The following BEND4 variants were observed in gnomAD, a reference collection of about 807,000 sequenced individuals.
The protein encoded by BEND4 is BEN domain-containing protein 4.
A neutral mutation model predicts 54.7 loss-of-function variants in BEND4; 27 were observed. The observed-to-expected ratio is 0.49, with a 90% CI of 0.36 to 0.68. The LOEUF is 0.68. Among genes scored for constraint, BEND4 ranks in the 30% least tolerant of loss-of-function variants. The pLI, the probability that BEND4 is intolerant of heterozygous loss-of-function variation, is 0.00. For missense variants in BEND4, 702 were observed against 697.2 expected, an observed-to-expected ratio of 1.01 and a Z score of -0.08; for synonymous variants, 327 against 299.5, an observed-to-expected ratio of 1.09 and a Z score of -0.95.
chr4:42,140,411 A>G (rs1341194540), intron 3 of BEND4, among the ~76,000 whole-genome samples: 2 of 152,170 alleles, frequency 1.3e-5, no homozygotes, highest in Admixed American at 1.3e-4. Context: ...TCTTAACATA[A>G]TCATGGTTAT....
At chr4:42,122,903 G>A (rs945727152) in intron 4 of BEND4, among the ~76,000 whole-genome samples, 4 of 152,190 alleles carry the variant, frequency 2.6e-5, no homozygotes, top group Non-Finnish European at 5.9e-5. Context: ...AGTTCACCCT[G>A]TAAGCGATGC....
intron 3 of BEND4, among the ~76,000 whole-genome samples, chr4:42,128,709 G>A (rs762445279): frequency 2.0e-5 from 3 of 151,890 alleles, no homozygotes; most frequent in African/African-American, 4.8e-5. Context: ...GGCCGGGTGC[G>A]GTGGCTCATG....
chr4:42,146,428 T>G (rs1302297154), intron 2 of BEND4, among the ~76,000 whole-genome samples: 2 of 152,238 alleles, frequency 1.3e-5, no homozygotes, highest in African/African-American at 4.8e-5. Flanking sequence ...ATTTATACTT[T>G]GTAATTATCT....
chr4:42,131,291 A>G (rs952588956), intron 3 of BEND4, among the ~76,000 whole-genome samples: 4 of 152,220 alleles, frequency 2.6e-5, no homozygotes, highest in African/African-American at 9.7e-5. Flanking sequence ...AAAACTGTTC[A>G]CCATGACCTT....
At position 42,113,984 on chromosome 4, in the gene BEND4, G is replaced by A. The variant is rs1719690829; in HGVS notation, c.*3534C>T. 1 of 152,174 alleles carries A rather than the reference G, an allele frequency of 6.6e-6. No individual in the cohort carries two copies. The highest frequency in any genetic ancestry group is 1.5e-5 in the Non-Finnish European group (1 of 68,034). 9.4% of individuals were successfully genotyped at this position (152,174 alleles called of 1,614,324 possible). A position where few individuals can be genotyped will look rare whatever the true frequency, so the allele number is the denominator to read the frequency against. On this transcript the variant is annotated 3_prime_UTR_variant, in exon 6 of 6. Coordinates refer to ENST00000502486, the MANE Select transcript of BEND4 (RefSeq NM_207406.4). ...AAAAAAGTGATGCGCGGGTTCAAGGGCTAGAGGAAATATTTACAAGTAAAT... is the reference window on the plus strand; with the variant it reads ...AAAAAAGTGATGCGCGGGTTCAAGGACTAGAGGAAATATTTACAAGTAAAT...
chr4:42,152,024 G>A lies in BEND4; in HGVS notation c.120C>T (p.Arg40=), dbSNP rs1336973503. 8 of 1,252,664 alleles carry A rather than the reference G, an allele frequency of 6.4e-6. No individual in the cohort carries two copies. The highest frequency in any genetic ancestry group is 7.1e-6 in the Non-Finnish European group (7 of 992,278). 77.6% of individuals were successfully genotyped at this position (1,252,664 alleles called of 1,614,324 possible). A position where few individuals can be genotyped will look rare whatever the true frequency, so the allele number is the denominator to read the frequency against. The change falls in exon 2 of 6, where the codon CGC becomes CGT. Residue 40 remains arginine, a synonymous_variant. Transcript: ENST00000502486. ...FPSKRPALAK[R]YERPTLVELP... is the part of the protein sequence containing the mutation. ...GCTCCACCAGGGTGGGTCGCTCGTA[G>A]CGCTTGGCCAGCGCCGGTCTCTTGC...
chr4:42,128,938 A>C (rs936765055), intron 3 of BEND4, among the ~76,000 whole-genome samples: 2 of 151,322 alleles, frequency 1.3e-5, no homozygotes, highest in Non-Finnish European at 3.0e-5. Flanking sequence ...TCCATCTCCC[A>C]AAAAAAAAGA....
At chr4:42,142,282 T>C (rs988926235) in intron 3 of BEND4, among the ~76,000 whole-genome samples, 1 of 151,578 alleles carries the variant, frequency 6.6e-6, no homozygotes, top group African/African-American at 2.4e-5. Context: ...ATGATCTTAA[T>C]GTCTTCTGTA....
At position 42,151,948 on chromosome 4, in the gene BEND4, C is replaced by A; in HGVS notation, c.196G>T (p.Ala66Ser). ...PPPPPPFAPH[A>S]AVSISSSEPP... The stretch of plus-strand genomic sequence containing the variant: ...TCGCTGCTGCTGATGGAGACGGCGG[C>A]GTGCGGCGCGAAGGGCGGCGGGGGC... The change falls in exon 2 of 6, where the codon GCC becomes TCC. Residue 66 changes from alanine to serine, a missense_variant. Transcript: ENST00000502486. 15 of 1,246,086 alleles carry A rather than the reference C, an allele frequency of 1.2e-5. No homozygotes were observed. Among genetic ancestry groups the A allele is most frequent in the South Asian group, 4.0e-5 (1 of 24,930 alleles). The allele number at this position is 1,246,086 out of a possible 1,614,324, so 77.2% of individuals were successfully genotyped here. A position where few individuals can be genotyped will look rare whatever the true frequency, so the allele number is the denominator to read the frequency against.
intron 3 of BEND4, among the ~76,000 whole-genome samples, chr4:42,138,952 C>T (rs1305807560): frequency 1.3e-5 from 2 of 152,120 alleles, no homozygotes; most frequent in Non-Finnish European, 2.9e-5. Context: ...TAGCTTACAT[C>T]CACTGGCGTC....
intron 2 of BEND4, among the ~76,000 whole-genome samples, chr4:42,147,877 C>T (rs947069553): frequency 6.6e-6 from 1 of 152,042 alleles, no homozygotes; most frequent in South Asian, 2.1e-4. Context: ...CCTACTTTAC[C>T]GCCCCTCTTT....
At chr4:42,142,150 C>T (rs544781749) in intron 3 of BEND4, among the ~76,000 whole-genome samples, 2 of 151,500 alleles carry the variant, frequency 1.3e-5, no homozygotes, top group Non-Finnish European at 2.9e-5. Flanking sequence ...TGTGATCCGC[C>T]CCCCCTCGGC....
At chr4:42,148,213 C>A (rs1351243667) in intron 2 of BEND4, among the ~76,000 whole-genome samples, 1 of 152,156 alleles carries the variant, frequency 6.6e-6, no homozygotes, top group Non-Finnish European at 1.5e-5. Context: ...TCTTTGGAAG[C>A]ACCACCCTTG....
intron 2 of BEND4, among the ~76,000 whole-genome samples, chr4:42,149,300 G>A (rs1313570486): frequency 6.7e-6 from 1 of 149,788 alleles, no homozygotes; most frequent in Non-Finnish European, 1.5e-5. Context: ...AGCTCTTCAG[G>A]TGGCTGTTCT....
intron 3 of BEND4, among the ~76,000 whole-genome samples, chr4:42,133,848 C>T (rs540857186): frequency 3.3e-5 from 5 of 152,170 alleles, no homozygotes; most frequent in African/African-American, 9.6e-5. Context: ...AGCGAGACTT[C>T]GTCTCAAAAA....
At chr4:42,122,047 G>A (rs1424033581) in intron 4 of BEND4, among the ~76,000 whole-genome samples, 2 of 152,088 alleles carry the variant, frequency 1.3e-5, no homozygotes, top group South Asian at 2.1e-4. Context: ...GGGTGAAATC[G>A]GGGGGCTGGC....
intron 3 of BEND4, among the ~76,000 whole-genome samples, chr4:42,131,873 T>C (rs1720518639): frequency 6.6e-6 from 1 of 151,944 alleles, no homozygotes; most frequent in Non-Finnish European, 1.5e-5. Context: ...CTCCCACTCC[T>C]GGTCCTACAA....
At chr4:42,131,434 A>G (rs1349194140) in intron 3 of BEND4, among the ~76,000 whole-genome samples, 1 of 152,222 alleles carries the variant, frequency 6.6e-6, no homozygotes, top group Non-Finnish European at 1.5e-5. Context: ...TTAAAAACTC[A>G]ATTGTAAAAA....
chr4:42,132,219 G>A lies in BEND4; in HGVS notation c.1055-6545C>T, dbSNP rs113750917. Among the ~76,000 whole-genome samples, 1,226 of 152,214 alleles carry A rather than the reference G, an allele frequency of 8.1e-3. 14 individuals carry two copies. The highest frequency in any genetic ancestry group is 0.028 in the African/African-American group (1,157 of 41,532). ...TTCTGTGGGGGACTGTGGAGTTTCC[G>A]AGTGAGGACTGGCCTTCACGGGTGG... On this transcript the variant is annotated intron_variant, in intron 3 of 5. Coordinates refer to ENST00000502486, the MANE Select transcript of BEND4 (RefSeq NM_207406.4).
Sources: allele counts gnomAD v4.1 joint callset (sites outside exome capture counted in the v4.1 genomes callset), GRCh38; gene constraint gnomAD v4.1.1; transcripts MANE v1.5; gene names NCBI Gene and HGNC (gene_info 2026-07-23, HGNC 2026-07-21).